The following CACNA2D2 variants were observed in gnomAD, a reference collection of about 807,000 sequenced individuals.
CACNA2D2 encodes voltage-dependent calcium channel subunit alpha-2/delta-2.
A neutral mutation model predicts 166.4 loss-of-function variants in CACNA2D2; 48 were observed. The ratio of observed to expected loss-of-function variants is 0.29; its 90% CI spans 0.23 to 0.37. CACNA2D2 has a LOEUF of 0.37. Ranked by LOEUF, CACNA2D2 falls within the 10% of genes least tolerant of loss-of-function variation. The pLI, the probability that CACNA2D2 is intolerant of heterozygous loss-of-function variation, is 1.00. For missense variants in CACNA2D2, 1,122 were observed against 1,433.0 expected, an observed-to-expected ratio of 0.78 and a Z score of 3.50; for synonymous variants, 561 against 573.7, an observed-to-expected ratio of 0.98 and a Z score of 0.32.
chr3:50,451,578 C>G (rs545207257), intron 2 of CACNA2D2, among the ~76,000 whole-genome samples: 1 of 152,328 alleles, frequency 6.6e-6, no homozygotes, highest in South Asian at 2.1e-4. Context: ...GCATGCCCCT[C>G]CACTATTTTC....
At chr3:50,401,357 C>T (rs1706443495) in intron 3 of CACNA2D2, among the ~76,000 whole-genome samples, 1 of 152,188 alleles carries the variant, frequency 6.6e-6, no homozygotes, top group Non-Finnish European at 1.5e-5. Flanking sequence ...GCCACTCCAC[C>T]CAAGTCCAGG....
At chr3:50,403,076 C>A (rs1296329817) in intron 3 of CACNA2D2, among the ~76,000 whole-genome samples, 2 of 152,194 alleles carry the variant, frequency 1.3e-5, no homozygotes, top group Admixed American at 1.3e-4. Context: ...TACCCAAGTT[C>A]CTAGGGCTTG....
intron 2 of CACNA2D2, among the ~76,000 whole-genome samples, chr3:50,471,698 T>C (rs948717203): frequency 2.0e-5 from 3 of 151,866 alleles, no homozygotes; most frequent in African/African-American, 7.3e-5. Flanking sequence ...CAAAGGCACC[T>C]GCAGAGTGGC....
chr3:50,495,663 G>A (rs1020173636), intron 1 of CACNA2D2, among the ~76,000 whole-genome samples: 5 of 152,192 alleles, frequency 3.3e-5, no homozygotes, highest in African/African-American at 1.2e-4. Context: ...TTGCTGCGGG[G>A]AGGACCCAAA....
intron 2 of CACNA2D2, among the ~76,000 whole-genome samples, chr3:50,464,509 T>C (rs780837475): frequency 1.2e-4 from 18 of 152,252 alleles, no homozygotes; most frequent in Middle Eastern, 3.4e-3. Context: ...AGGGAACCTA[T>C]CCAGCCTCCT....
chr3:50,442,488 G>C (rs1202357288), intron 2 of CACNA2D2, among the ~76,000 whole-genome samples: 1 of 152,162 alleles, frequency 6.6e-6, no homozygotes, highest in Non-Finnish European at 1.5e-5. Context: ...CCTTGGGGTG[G>C]GTGGTGCAAT....
chr3:50,465,833 T>C (rs1036993912), intron 2 of CACNA2D2, among the ~76,000 whole-genome samples: 1 of 152,108 alleles, frequency 6.6e-6, no homozygotes, highest in Non-Finnish European at 1.5e-5. Flanking sequence ...TGGTGGACAC[T>C]AGCTCTTCTC....
chr3:50,473,103 C>G (rs1710167337), intron 2 of CACNA2D2, among the ~76,000 whole-genome samples: 1 of 152,138 alleles, frequency 6.6e-6, no homozygotes. Context: ...AAGCACCAGG[C>G]CACAAGGAGA....
At chr3:50,410,373 G>A (rs1706941922) in intron 3 of CACNA2D2, among the ~76,000 whole-genome samples, 1 of 152,226 alleles carries the variant, frequency 6.6e-6, no homozygotes, top group Non-Finnish European at 1.5e-5. Flanking sequence ...GCAGAAGGGG[G>A]ATCCCCTAGT....
chr3:50,389,628 G>T (rs1172613385), intron 4 of CACNA2D2, among the ~76,000 whole-genome samples: 1 of 152,204 alleles, frequency 6.6e-6, no homozygotes, highest in South Asian at 2.1e-4. Flanking sequence ...AGCGTTCACT[G>T]GGGCCACCTC....
Position 50,380,847 on chromosome 3 carries a change from C to A in CACNA2D2, c.785-42G>T, listed in dbSNP as rs1705267854. 6 of 1,536,296 alleles carry A rather than the reference C, an allele frequency of 3.9e-6. No individual in the cohort carries two copies. The East Asian group carries it at 9.2e-5, about 24-fold the overall frequency. ...GGTGAGGGGGACTGGCAGGAAAGGG[C>A]TGGCCTGGGTAGGCAGACCTTGCAG... On this transcript the variant is annotated intron_variant, in intron 7 of 37. Transcript: ENST00000424201. The surrounding 1 kb of genome is among the most constrained non-coding windows in gnomAD (Gnocchi z 4.9).
At chr3:50,475,397 G>A (rs534380730) in intron 2 of CACNA2D2, among the ~76,000 whole-genome samples, 47 of 152,130 alleles carry the variant, frequency 3.1e-4, no homozygotes, top group South Asian at 1.7e-3. Context: ...CCAAGCCCCC[G>A]GCAACAAGAT....
chr3:50,406,210 C>T (rs1575638677), intron 3 of CACNA2D2, among the ~76,000 whole-genome samples: 2 of 151,966 alleles, frequency 1.3e-5, no homozygotes, highest in South Asian at 4.1e-4. Flanking sequence ...CAAATTGGCA[C>T]AGAGGCAATC....
intron 2 of CACNA2D2, among the ~76,000 whole-genome samples, chr3:50,455,516 C>G (rs563703058): frequency 1.4e-4 from 22 of 152,206 alleles, no homozygotes; most frequent in Non-Finnish European, 2.5e-4. Flanking sequence ...TTTGGCGATG[C>G]ACGGTTATGC....
rs1193869529 is a variant in CACNA2D2 at position 50,451,647 on chromosome 3, G to A, written c.289-17218C>T. On this transcript the variant is annotated intron_variant, in intron 2 of 37. Coordinates refer to ENST00000424201, the MANE Select transcript of CACNA2D2 (RefSeq NM_006030.4). ...TTCCATGGGTTTTATCGATGGTACA[G>A]ACTTAGCCCATGTCTCCCATTTCCT... Among the ~76,000 whole-genome samples the A allele has an allele frequency of 2.6e-5, 4 of 152,324 alleles. No individual in the cohort carries two copies. The East Asian group carries it at 7.7e-4, about 29-fold the overall frequency.
intron 1 of CACNA2D2, among the ~76,000 whole-genome samples, chr3:50,483,594 A>G (rs762823704): frequency 3.3e-5 from 5 of 152,150 alleles, no homozygotes; most frequent in South Asian, 2.1e-4. Context: ...ATATTTACTC[A>G]TAGCAGCCTG....
chr3:50,365,599 G>A lies in CACNA2D2; in HGVS notation c.2971+34C>T, dbSNP rs751292317. 11 of 1,573,096 alleles carry A rather than the reference G, an allele frequency of 7.0e-6. No individual in the cohort carries two copies. Among genetic ancestry groups the A allele is most frequent in the Admixed American group, 3.8e-5 (2 of 52,704 alleles). On this transcript the variant is annotated intron_variant, in intron 34 of 37. Transcript: ENST00000424201. This position sits in a 1 kb window ranked among gnomAD's most constrained non-coding sequence, Gnocchi z 4.5. ...TCGTCTTAGCTCAGATTGGGGACCC[G>A]GACTTGAGGAGGCGCCTCCAAAGCC...
chr3:50,379,619 C>T lies in CACNA2D2; in HGVS notation c.994-29G>A. 1 of 1,612,982 alleles carries T rather than the reference C, an allele frequency of 6.2e-7. No homozygotes were observed. The highest frequency in any genetic ancestry group is 8.5e-7 in the Non-Finnish European group (1 of 1,179,356). On this transcript the variant is annotated intron_variant, in intron 10 of 37. Transcript: ENST00000424201. This position sits in a 1 kb window ranked among gnomAD's most constrained non-coding sequence, Gnocchi z 6.5. ...CAGGAACAGTAGGGTGGTGAGTGGC[C>T]TCAGGCTGGCCGGGGTAGGCAGCTA... is the stretch of plus-strand genomic sequence containing the variant.
Position 50,379,302 on chromosome 3 carries a change from C to T in CACNA2D2, c.1153-103G>A, listed in dbSNP as rs1705173198. The T allele has an allele frequency of 1.4e-6, 2 of 1,445,024 alleles. No homozygotes were observed. The highest frequency in any genetic ancestry group is 1.2e-5 in the South Asian group (1 of 84,962). The allele number at this position is 1,445,024 out of a possible 1,614,324, so 89.5% of individuals were successfully genotyped here. ...CTGGACCTCTGGCCCTCCTCCCCCA[C>T]AGCAGATGGAGCTATCTGTCCAAGC... On this transcript the variant is annotated intron_variant, in intron 11 of 37. Coordinates refer to ENST00000424201, the MANE Select transcript of CACNA2D2 (RefSeq NM_006030.4). This position sits in a 1 kb window ranked among gnomAD's most constrained non-coding sequence, Gnocchi z 6.5.
Sources: allele counts gnomAD v4.1 joint callset (sites outside exome capture counted in the v4.1 genomes callset), GRCh38; gene constraint gnomAD v4.1.1; non-coding constraint Gnocchi (gnomAD v3.1); transcripts MANE v1.5; gene names NCBI Gene and HGNC (gene_info 2026-07-23, HGNC 2026-07-21).